SYNE1: variants seen among roughly 807,000 people sequenced by gnomAD.
SYNE1 encodes the protein spectrin repeat containing nuclear envelope protein 1, also known as nesprin-1.
In SYNE1, 616 loss-of-function variants were observed where a neutral mutation model predicts 1,111.0. The ratio of observed to expected loss-of-function variants is 0.55; its 90% CI spans 0.52 to 0.59. The LOEUF is 0.59. SYNE1 is among the 20% of genes least tolerant of loss of function. The pLI is 0.00. For missense variants in SYNE1, 10,006 were observed against 10,417.0 expected (o/e 0.96, Z 1.72); for synonymous variants, 3,855 against 3,825.8 (o/e 1.01, Z -0.28).
At chr6:152,549,676 C>G (rs2099330544) in intron 3 of SYNE1, among the ~76,000 whole-genome samples, 1 of 152,134 alleles carries the variant, frequency 6.6e-6, no homozygotes, top group Admixed American at 6.6e-5. Flanking sequence ...AAATTAATAG[C>G]TATCTACAGC....
At chr6:152,409,316 T>C (rs1204877009) in intron 43 of SYNE1, 90 bp from the exon 44 acceptor site, 2 of 1,352,400 alleles carry the variant, frequency 1.5e-6, no homozygotes, top group Non-Finnish European at 1.0e-6. Flanking sequence ...TAATTCATAA[T>C]TGACCTTATG....
chr6:152,386,244 T>C (rs1038115341), intron 54 of SYNE1, among the ~76,000 whole-genome samples: 1 of 152,192 alleles, frequency 6.6e-6, no homozygotes, highest in African/African-American at 2.4e-5. Flanking sequence ...GTGAGGAAGA[T>C]ACTATTATTA....
chr6:152,537,320 C>A (rs567631739), intron 4 of SYNE1, among the ~76,000 whole-genome samples: 2 of 151,972 alleles, frequency 1.3e-5, no homozygotes, highest in South Asian at 4.2e-4. Flanking sequence ...GATATTTATA[C>A]CCACAAGTTT....
intron 4 of SYNE1, among the ~76,000 whole-genome samples, chr6:152,536,531 C>T (rs1346632855): frequency 6.7e-6 from 1 of 148,190 alleles, no homozygotes; most frequent in Non-Finnish European, 1.5e-5. Context: ...CTCATCAGCT[C>T]GCTAGAGTCT....
In SYNE1 at chr6:152,514,638, T is replaced by TA. The variant is rs200978447; in HGVS notation, c.310-3536dup. Among the ~76,000 whole-genome samples the TA allele has an allele frequency of 2.0e-4, 21 of 105,464 alleles. No individual in the cohort carries two copies. In the South Asian group the frequency reaches 4.9e-3, roughly 24 times the overall value. 69.2% of individuals were successfully genotyped at this position (105,464 alleles called of 152,430 possible). A position where few individuals can be genotyped will look rare whatever the true frequency, so the allele number is the denominator to read the frequency against. On this transcript the variant is annotated intron_variant, in intron 6 of 145. Coordinates refer to ENST00000367255, the MANE Select transcript of SYNE1 (RefSeq NM_182961.4). Reference sequence around the variant, plus strand: ...CTTAAAGTATAATTTAAAAAAATAATAAAAAAAAACAATGAATACCAAAAA... The same window carrying TA: ...CTTAAAGTATAATTTAAAAAAATAATAAAAAAAAAACAATGAATACCAAAAA...
chr6:152,374,057 T>C (rs1227537610), intron 58 of SYNE1, among the ~76,000 whole-genome samples: 1 of 152,216 alleles, frequency 6.6e-6, no homozygotes, highest in Non-Finnish European at 1.5e-5. Flanking sequence ...TAAATGCTAT[T>C]AAATGGAGCA....
intron 127 of SYNE1, among the ~76,000 whole-genome samples, chr6:152,194,679 A>G (rs1005220208): frequency 4.6e-5 from 7 of 152,052 alleles, no homozygotes; most frequent in African/African-American, 1.7e-4. Flanking sequence ...TCCTGTAGGC[A>G]TGTTTCATTG....
At chr6:152,498,306 A>C (rs1217288025) in intron 11 of SYNE1, among the ~76,000 whole-genome samples, 1 of 152,212 alleles carries the variant, frequency 6.6e-6, no homozygotes, top group South Asian at 2.1e-4. Context: ...AGCAGAAGAG[A>C]GTGAGGAAAC....
chr6:152,610,372 G>C (rs1430030589), intron 3 of SYNE1, among the ~76,000 whole-genome samples: 1 of 152,098 alleles, frequency 6.6e-6, no homozygotes, highest in Non-Finnish European at 1.5e-5. Context: ...TAGCCGATTC[G>C]ATCAAGTGGA....
chr6:152,195,825 T>C (rs553471696), intron 127 of SYNE1, among the ~76,000 whole-genome samples: 3 of 115,712 alleles, frequency 2.6e-5, no homozygotes, highest in Admixed American at 1.6e-4. Flanking sequence ...CTACTCTCTA[T>C]GTTTGGTCAA....
At chr6:152,274,679 C>G (rs1439797964) in intron 98 of SYNE1, among the ~76,000 whole-genome samples, 1 of 152,138 alleles carries the variant, frequency 6.6e-6, no homozygotes, top group Non-Finnish European at 1.5e-5. Flanking sequence ...TCACTGCAAC[C>G]TCTGCCTCCT....
intron 28 of SYNE1, among the ~76,000 whole-genome samples, chr6:152,448,974 TACA>T (rs1401338888): frequency 6.6e-6 from 1 of 152,230 alleles, no homozygotes; most frequent in Non-Finnish European, 1.5e-5. Context: ...GAAGACTTTT[TACA>T]ACATTATGTG....
chr6:152,391,582 A>AAAAAAAC lies in SYNE1; in HGVS notation c.7713-15_7713-14insGTTTTTT. On this transcript the variant is annotated splice_polypyrimidine_tract_variant and intron_variant, in intron 51 of 145. Transcript: ENST00000367255. Reference sequence around the variant, plus strand: ...TCAAGAGACTCTCTGAAAAAAAGGAAAAAAAAAAAAAAGAAAAAAAATTAA... The same window carrying AAAAAAAC: ...TCAAGAGACTCTCTGAAAAAAAGGAAAAAAAACAAAAAAAAAAAAGAAAAAAAATTAA... The AAAAAAAC allele has an allele frequency of 7.3e-7, 1 of 1,377,008 alleles. No homozygotes were observed. The highest frequency in any genetic ancestry group is 2.1e-5 in the Admixed American group (1 of 47,762). 85.3% of individuals were successfully genotyped at this position (1,377,008 alleles called of 1,614,324 possible).
At chr6:152,260,528 G>A (rs1250155606) in intron 101 of SYNE1, among the ~76,000 whole-genome samples, 1 of 152,090 alleles carries the variant, frequency 6.6e-6, no homozygotes, top group Non-Finnish European at 1.5e-5. Context: ...AAGCCTCCTG[G>A]CCAGAGAGGG....
At position 152,569,187 on chromosome 6, in the gene SYNE1, C is replaced by T. The variant is rs141480230; in HGVS notation, c.68-29166G>A. 2.0e-5 allele frequency among the ~76,000 whole-genome samples: 3 copies of T among 152,166 alleles called. No homozygotes were observed. In the East Asian group the frequency reaches 5.8e-4, roughly 29 times the overall value. On this transcript the variant is annotated intron_variant, in intron 3 of 145. Coordinates refer to ENST00000367255, the MANE Select transcript of SYNE1 (RefSeq NM_182961.4). ...CCTACAGAAGCAGATCAGCAATCGG[C>T]TTTAACAAGATACCCAGGTGATTCT...
chr6:152,408,006 G>A (rs886681144), intron 44 of SYNE1, among the ~76,000 whole-genome samples: 1 of 151,792 alleles, frequency 6.6e-6, no homozygotes, highest in African/African-American at 2.4e-5. Context: ...GAAGTGATCT[G>A]CCCACCTCGG....
chr6:152,272,155 G>A (rs913006027), intron 98 of SYNE1, among the ~76,000 whole-genome samples: 2 of 152,208 alleles, frequency 1.3e-5, no homozygotes, highest in African/African-American at 4.8e-5. Context: ...GAATGATTTA[G>A]TCATTGTGAA....
At position 152,233,950 on chromosome 6, in the gene SYNE1, T is replaced by A. The variant is rs1275034706; in HGVS notation, c.20543A>T (p.Glu6848Val). The part of the protein sequence containing the change: ...HLNAFLEFSK[E>V]VDAQSSLKSS... The stretch of plus-strand genomic sequence containing the variant: ...TTTCAGGGAAGATTGGGCATCCACT[T>A]CTTTAGAAAACTCCTGAAACAAGTA... The change falls in exon 112 of 146, where the codon GAA (glutamate) becomes GTA (valine). Residue 6848 changes from glutamate to valine, a missense_variant. Glu to Val is a moderately radical substitution (Grantham distance 121). Around this residue, in one of 7 missense-constraint regions of SYNE1, gnomAD observed 2,182 missense variants for 2,287.8 expected, o/e 0.95. Transcript: ENST00000367255. 1 of 1,614,146 alleles carries A rather than the reference T, an allele frequency of 6.2e-7. No individual in the cohort carries two copies. Among genetic ancestry groups the A allele is most frequent in the South Asian group, 1.1e-5 (1 of 91,080 alleles).
chr6:152,519,308 GT>G (rs2099127665), intron 6 of SYNE1, among the ~76,000 whole-genome samples: 1 of 152,138 alleles, frequency 6.6e-6, no homozygotes, highest in Admixed American at 6.5e-5. Context: ...TAGAGAAGTG[GT>G]TGATTCCAGG....
Sources: allele counts gnomAD v4.1 joint callset (sites outside exome capture counted in the v4.1 genomes callset), GRCh38; gene constraint gnomAD v4.1.1; regional missense constraint gnomAD v4.1.1; transcripts MANE v1.5; gene names NCBI Gene and HGNC (gene_info 2026-07-23, HGNC 2026-07-21).